Variants in PLCZ1 observed in about 807,000 individuals in gnomAD.
PLCZ1 encodes 1-phosphatidylinositol 4,5-bisphosphate phosphodiesterase zeta-1.
Under a neutral mutation model 76.8 loss-of-function variants are expected in PLCZ1, and 64 were observed. The ratio of observed to expected loss-of-function variants is 0.83; its 90% CI spans 0.68 to 1.03. PLCZ1 has a LOEUF of 1.03. Ranked by LOEUF, PLCZ1 falls within the 50% of genes least tolerant of loss-of-function variation. The pLI, the probability that PLCZ1 is intolerant of heterozygous loss-of-function variation, is 0.00. For missense variants in PLCZ1, 751 were observed against 713.7 expected (o/e 1.05, Z -0.60); for synonymous variants, 248 against 230.8 (o/e 1.07, Z -0.68).
At chr12:18,672,767 C>A in the PLCZ1 span, among the ~76,000 whole-genome samples, 1 of 152,150 alleles carries the variant, frequency 6.6e-6, no homozygotes, top group African/African-American at 2.4e-5. Context: ...TCCCTTCAAC[C>A]TCCTGGTAGG....
intron 12 of PLCZ1, 104 bp from the exon 13 acceptor site, chr12:18,688,322 G>C: frequency 8.4e-7 from 1 of 1,190,494 alleles, no homozygotes; most frequent in Non-Finnish European, 1.2e-6. Context: ...TGGACTCTAA[G>C]TCAGCTCCCA....
intron 10 of PLCZ1, among the ~76,000 whole-genome samples, chr12:18,698,287 A>ATT (rs59437560): frequency 8.6e-5 from 13 of 150,826 alleles, no homozygotes; most frequent in Admixed American, 2.0e-4. Flanking sequence ...ATTCTATTCT[A>ATT]CTCCATTCCA....
At chr12:18,692,379 T>A (rs1954243461) in intron 12 of PLCZ1, among the ~76,000 whole-genome samples, 1 of 152,146 alleles carries the variant, frequency 6.6e-6, no homozygotes, top group Admixed American at 6.6e-5. Context: ...AACTAGAGGT[T>A]TTTCAAAAGA....
At chr12:18,697,829 T>C (rs114361756) in intron 10 of PLCZ1, among the ~76,000 whole-genome samples, 2,048 of 152,136 alleles carry the variant, frequency 0.013, 57 homozygotes, top group African/African-American at 0.048. Context: ...ATTATGTTTA[T>C]AATAATAATT....
At chr12:18,649,903 T>C in the PLCZ1 span, among the ~76,000 whole-genome samples, 1 of 152,120 alleles carries the variant, frequency 6.6e-6, no homozygotes, top group South Asian at 2.1e-4. Flanking sequence ...TAGTCTTCTG[T>C]GTGGGAGCAT....
intron 12 of PLCZ1, chr12:18,693,980 G>A (rs926008361): frequency 7.3e-6 from 11 of 1,505,512 alleles, no homozygotes; most frequent in Non-Finnish European, 1.0e-5. Flanking sequence ...CTGTACAGAA[G>A]CTGGTCTGAT....
intron 6 of PLCZ1, among the ~76,000 whole-genome samples, chr12:18,705,998 G>A (rs375920016): frequency 9.9e-5 from 15 of 152,042 alleles, no homozygotes; most frequent in East Asian, 3.9e-4. Flanking sequence ...AGGCCGAGGC[G>A]GGTGGATCAC....
At chr12:18,700,420 G>A (rs920117914) in intron 9 of PLCZ1, among the ~76,000 whole-genome samples, 18 of 148,754 alleles carry the variant, frequency 1.2e-4, no homozygotes, top group Middle Eastern at 3.5e-3. Context: ...GTATGAGTCA[G>A]GCAGATTGGG....
At chr12:18,657,151 G>C in the PLCZ1 span, among the ~76,000 whole-genome samples, 7 of 152,294 alleles carry the variant, frequency 4.6e-5, no homozygotes, top group African/African-American at 1.4e-4. Context: ...GGGAGAATTT[G>C]TTTGAAATAT....
the PLCZ1 span, among the ~76,000 whole-genome samples, chr12:18,658,424 C>T: frequency 2.0e-5 from 3 of 151,956 alleles, no homozygotes; most frequent in Non-Finnish European, 4.4e-5. Context: ...GATAAAGAAT[C>T]GTAAAAGCAG....
chr12:18,684,542 CTG>C (rs1437774601), intron 13 of PLCZ1, among the ~76,000 whole-genome samples: 2 of 151,928 alleles, frequency 1.3e-5, no homozygotes, highest in Admixed American at 6.6e-5. Context: ...GATGGGAAAA[CTG>C]AGCCACAAAG....
intron 3 of PLCZ1, among the ~76,000 whole-genome samples, chr12:18,727,682 T>G (rs1269227736): frequency 2.6e-5 from 4 of 152,160 alleles, no homozygotes. Context: ...AAATTTAGAC[T>G]TCTTTGGAAA....
chr12:18,716,635 G>A (rs1958019813), intron 5 of PLCZ1, among the ~76,000 whole-genome samples: 1 of 152,122 alleles, frequency 6.6e-6, no homozygotes, highest in African/African-American at 2.4e-5. Context: ...GAAACTTACA[G>A]GTGATAGTCT....
chr12:18,664,901 AC>A, the PLCZ1 span, among the ~76,000 whole-genome samples: 9 of 150,996 alleles, frequency 6.0e-5, no homozygotes, highest in African/African-American at 2.2e-4. Flanking sequence ...GTAAACTATC[AC>A]AAGGACAAAA....
At chr12:18,723,066 C>T (rs112794472) in intron 4 of PLCZ1, among the ~76,000 whole-genome samples, 1 of 151,806 alleles carries the variant, frequency 6.6e-6, no homozygotes, top group East Asian at 1.9e-4. Context: ...TTGAGAGATA[C>T]GTGGAAGCAG....
intron 13 of PLCZ1, among the ~76,000 whole-genome samples, chr12:18,686,935 T>C (rs7961351): frequency 0.45 from 68,169 of 151,710 alleles, 16,018 homozygotes; most frequent in African/African-American, 0.59. Flanking sequence ...AGAATCACAG[T>C]ATTATAAGGG....
chr12:18,660,879 G>T, the PLCZ1 span, among the ~76,000 whole-genome samples: 3 of 151,970 alleles, frequency 2.0e-5, no homozygotes, highest in Non-Finnish European at 4.4e-5. Context: ...TAAAACAATT[G>T]ATAGTCAAAG....
chr12:18,709,081 T>C (rs773258716), intron 6 of PLCZ1, among the ~76,000 whole-genome samples: 1 of 152,140 alleles, frequency 6.6e-6, no homozygotes, highest in Non-Finnish European at 1.5e-5. Context: ...ATCAAAATAA[T>C]AATTGCCAAA....
chr12:18,685,470 G>A (rs969849215), intron 13 of PLCZ1: 1 of 216,912 alleles, frequency 4.6e-6, no homozygotes, highest in Admixed American at 4.5e-5. Flanking sequence ...TATGTCAATA[G>A]TTTTTGTTCT....
Sources: gnomAD v4.1 joint callset for allele counts (sites outside exome capture counted in the v4.1 genomes callset) on GRCh38, gnomAD v4.1.1 for gene constraint, MANE v1.5 for transcripts, NCBI Gene and HGNC (gene_info 2026-07-23, HGNC 2026-07-21) for gene names.